Variants in CHRDL1 observed in about 807,000 individuals in gnomAD.
CHRDL1 encodes chordin like 1.
Under a neutral mutation model 40.9 loss-of-function variants are expected in CHRDL1, and 19 were observed. The ratio of observed to expected loss-of-function variants is 0.46; its 90% CI spans 0.32 to 0.68. CHRDL1 has a LOEUF of 0.68. Ranked by LOEUF, CHRDL1 falls within the 30% of genes least tolerant of loss-of-function variation. The pLI, the probability that CHRDL1 is intolerant of heterozygous loss-of-function variation, is 0.03. For missense variants in CHRDL1, 329 were observed against 352.1 expected (o/e 0.93, Z 0.53); for synonymous variants, 136 against 123.4 (o/e 1.10, Z -0.68).
chrX:110,738,752 A>C (rs1252064387), intron 4 of CHRDL1, among the ~76,000 whole-genome samples: 1 of 110,357 alleles, frequency 9.1e-6, no homozygotes, highest in Non-Finnish European at 1.9e-5. Flanking sequence ...AAAAAAAAAA[A>C]AACAATGAAT....
chrX:110,708,865 C>T (rs1384686323), intron 6 of CHRDL1, among the ~76,000 whole-genome samples: 2 of 111,458 alleles, frequency 1.8e-5, no homozygotes, highest in Non-Finnish European at 3.8e-5. Flanking sequence ...AGTCCCAATG[C>T]ATCTGCTGGA....
At chrX:110,701,370 T>C (rs1214423603) in intron 6 of CHRDL1, among the ~76,000 whole-genome samples, 1 of 111,970 alleles carries the variant, frequency 8.9e-6, no homozygotes, top group African/African-American at 3.2e-5. Flanking sequence ...GTCTTAGAGA[T>C]GTTTGCATCA....
At chrX:110,758,316 A>T (rs2089495952) in intron 4 of CHRDL1, among the ~76,000 whole-genome samples, 1 of 107,368 alleles carries the variant, frequency 9.3e-6, no homozygotes, top group South Asian at 4.2e-4. Context: ...AAAAAACCCA[A>T]CAACTTTTAG....
intron 4 of CHRDL1, among the ~76,000 whole-genome samples, chrX:110,756,957 T>A (rs1399221190): frequency 8.9e-6 from 1 of 112,066 alleles, no homozygotes; most frequent in Non-Finnish European, 1.9e-5. Context: ...CATGTAGATG[T>A]CTTTTTAAAT....
intron 4 of CHRDL1, among the ~76,000 whole-genome samples, chrX:110,731,979 G>A (rs1026139690): frequency 6.6e-5 from 7 of 106,826 alleles, no homozygotes; most frequent in African/African-American, 2.2e-4. Context: ...TATGAGGTAT[G>A]TATACCTCAA....
chrX:110,749,041 G>A (rs780157868), intron 4 of CHRDL1, among the ~76,000 whole-genome samples: 1 of 110,395 alleles, frequency 9.1e-6, no homozygotes, highest in South Asian at 3.9e-4. Flanking sequence ...AAGGAATGAG[G>A]GAAGGAAAGA....
chrX:110,749,023 T>C (rs1192448407), intron 4 of CHRDL1, among the ~76,000 whole-genome samples: 1 of 107,486 alleles, frequency 9.3e-6, no homozygotes, highest in African/African-American at 3.4e-5. Context: ...AGAATGAAAA[T>C]AAAAAGGAAG....
intron 8 of CHRDL1, among the ~76,000 whole-genome samples, chrX:110,689,584 A>G (rs2070144079): frequency 1.3e-4 from 1 of 7,935 alleles, no homozygotes; most frequent in Non-Finnish European, 1.9e-4. Context: ...ATATATCTAT[A>G]TATCTATATA....
intron 2 of CHRDL1, among the ~76,000 whole-genome samples, chrX:110,780,884 A>T (rs1189196645): frequency 1.8e-5 from 2 of 111,337 alleles, no homozygotes. Flanking sequence ...CATCGTCAAC[A>T]TTGTTATATT....
rs185689386 is a variant in CHRDL1 at position 110,730,271 on chromosome X, T to C, written c.302-8741A>G. ...AAACTGTCAGATCCCAAGTGGTAAC[T>C]AGAGATTCACTTCTGAGCCATCACA... On this transcript the variant is annotated intron_variant, in intron 4 of 11. Coordinates refer to ENST00000372042, the MANE Select transcript of CHRDL1 (RefSeq NM_001143981.2). Among the ~76,000 whole-genome samples the C allele has an allele frequency of 1.1e-3, 128 of 111,876 alleles. No homozygotes were observed. The Middle Eastern group carries it at 0.023, about 20-fold the overall frequency.
intron 1 of CHRDL1, among the ~76,000 whole-genome samples, chrX:110,794,437 GCAA>G (rs757244338): frequency 1.3e-3 from 144 of 111,911 alleles, no homozygotes; most frequent in Non-Finnish European, 2.0e-3. Flanking sequence ...CAACAAGAAA[GCAA>G]CAACAACAAC....
chrX:110,739,641 G>C (rs1051501328), intron 4 of CHRDL1, among the ~76,000 whole-genome samples: 1 of 112,061 alleles, frequency 8.9e-6, no homozygotes, highest in Non-Finnish European at 1.9e-5. Flanking sequence ...ATTGTCTTTA[G>C]TCACTAAGAT....
At chrX:110,794,450 C>CA (rs748421607) in intron 1 of CHRDL1, among the ~76,000 whole-genome samples, 1 of 111,469 alleles carries the variant, frequency 9.0e-6, no homozygotes, top group East Asian at 2.8e-4. Flanking sequence ...ACAACAACAA[C>CA]AAAAAAACAA....
chrX:110,684,155 G>T (rs2069957681), intron 9 of CHRDL1, among the ~76,000 whole-genome samples: 1 of 111,927 alleles, frequency 8.9e-6, no homozygotes, highest in Non-Finnish European at 1.9e-5. Context: ...CCATTGATAT[G>T]CAAAGCAAGG....
At chrX:110,680,012 T>C (rs1396094424) in intron 10 of CHRDL1, among the ~76,000 whole-genome samples, 1 of 112,027 alleles carries the variant, frequency 8.9e-6, no homozygotes, top group Non-Finnish European at 1.9e-5. Context: ...CAACCTTGCC[T>C]GAATAGCTTT....
chrX:110,683,369 T>G lies in CHRDL1; in HGVS notation c.989-1720A>C, dbSNP rs138112314. Among the ~76,000 whole-genome samples, 373 of 112,400 alleles carry G rather than the reference T, an allele frequency of 3.3e-3. 1 individual carries two copies. Among genetic ancestry groups the G allele is most frequent in the African/African-American group, 0.012 (360 of 30,975 alleles). The stretch of plus-strand genomic sequence containing the variant: ...CACTATAGTTCACCTACTCTCATTT[T>G]CTTTTGGGGAAGACAATGTGCTTGA... On this transcript the variant is annotated intron_variant, in intron 9 of 11. Coordinates refer to ENST00000372042, the MANE Select transcript of CHRDL1 (RefSeq NM_001143981.2).
intron 4 of CHRDL1, among the ~76,000 whole-genome samples, chrX:110,727,990 T>C (rs934835282): frequency 2.7e-5 from 3 of 111,782 alleles, no homozygotes; most frequent in Non-Finnish European, 1.9e-5. Context: ...CAAAATATTA[T>C]GTAGTTCTAT....
In CHRDL1 at chrX:110,747,703, G is replaced by A. The variant is rs774949679; in HGVS notation, c.301+11958C>T. Among the ~76,000 whole-genome samples the A allele has an allele frequency of 8.0e-5, 9 of 112,548 alleles. No homozygotes were observed. The South Asian group carries it at 1.5e-3, about 18-fold the overall frequency. On this transcript the variant is annotated intron_variant, in intron 4 of 11. Transcript: ENST00000372042. ...AAGCAAACACCCATGTGACTACCACGTGGATCAAGAAAGAGTGCATTGCCA... is the reference window on the plus strand; with the variant it reads ...AAGCAAACACCCATGTGACTACCACATGGATCAAGAAAGAGTGCATTGCCA...
intron 4 of CHRDL1, among the ~76,000 whole-genome samples, chrX:110,749,479 A>T (rs2148495761): frequency 8.9e-6 from 1 of 112,052 alleles, no homozygotes; most frequent in South Asian, 3.8e-4. Flanking sequence ...TAACTCTAGA[A>T]AACACTTTGT....
Sources: allele counts gnomAD v4.1 joint callset (sites outside exome capture counted in the v4.1 genomes callset), GRCh38; gene constraint gnomAD v4.1.1; transcripts MANE v1.5; gene names NCBI Gene and HGNC (gene_info 2026-07-23, HGNC 2026-07-21).